The following CNTN5 variants were observed in gnomAD, a reference collection of about 807,000 sequenced individuals.
CNTN5 encodes the protein contactin 5.
CNTN5 carries 77 observed loss-of-function variants against 129.1 expected under a neutral mutation model. That is an observed-to-expected ratio of 0.60 (90% CI 0.50 to 0.72). The LOEUF is 0.72. Among genes scored for constraint, CNTN5 ranks in the 30% least tolerant of loss-of-function variants. The pLI is 0.00. For synonymous variants in CNTN5, 509 were observed against 465.6 expected, an observed-to-expected ratio of 1.09 and a Z score of -1.20; for missense variants, 1,478 against 1,328.8, an observed-to-expected ratio of 1.11 and a Z score of -1.75.
chr11:100,302,167 T>C (rs1482111624), intron 20 of CNTN5, among the ~76,000 whole-genome samples: 1 of 151,686 alleles, frequency 6.6e-6, no homozygotes, highest in Non-Finnish European at 1.5e-5. Context: ...ACATTCTTTT[T>C]TAGTCACTTC....
chr11:99,141,497 A>T (rs149710320), intron 1 of CNTN5, among the ~76,000 whole-genome samples: 134 of 151,716 alleles, frequency 8.8e-4, no homozygotes, highest in African/African-American at 3.1e-3. Flanking sequence ...ATGTTTTCTT[A>T]TTTCACCATT....
intron 3 of CNTN5, among the ~76,000 whole-genome samples, chr11:99,646,324 T>G (rs929818824): frequency 1.3e-5 from 2 of 152,368 alleles, no homozygotes; most frequent in South Asian, 2.1e-4. Flanking sequence ...GCATTCAACT[T>G]GTTTTCCCTT....
Position 99,530,985 on chromosome 11 carries a change from C to A in CNTN5, c.-70-25160C>A, listed in dbSNP as rs541275616. Among the ~76,000 whole-genome samples the A allele has an allele frequency of 1.3e-3, 194 of 152,222 alleles. 7 individuals are homozygous for A. Among genetic ancestry groups the A allele is most frequent in the Admixed American group, 0.013 (192 of 15,298 alleles). On this transcript the variant is annotated intron_variant, in intron 2 of 24. Coordinates refer to ENST00000524871, the MANE Select transcript of CNTN5 (RefSeq NM_014361.4). ...GAGTCGGGCGTTGCTGAAAAGATAC[C>A]CGAAACTGGGGAAGCAACTTTGAAA...
At chr11:99,821,149 AAATC>A (rs1418415499) in intron 4 of CNTN5, among the ~76,000 whole-genome samples, 4 of 152,028 alleles carry the variant, frequency 2.6e-5, no homozygotes, top group Non-Finnish European at 5.9e-5. Flanking sequence ...TTAAGGTAGA[AAATC>A]AAGTGATCAG....
At chr11:99,161,216 C>T (rs543884648) in intron 1 of CNTN5, among the ~76,000 whole-genome samples, 1 of 152,008 alleles carries the variant, frequency 6.6e-6, no homozygotes, top group Non-Finnish European at 1.5e-5. Flanking sequence ...TATAAAAAAT[C>T]TTGAAATATA....
intron 9 of CNTN5, among the ~76,000 whole-genome samples, chr11:100,038,218 G>A (rs747418966): frequency 0.029 from 4,360 of 152,008 alleles, 91 homozygotes; most frequent in Non-Finnish European, 0.045. Flanking sequence ...CCTTCATTTC[G>A]TTATGTACCC....
At chr11:99,324,863 G>C (rs964578885) in intron 1 of CNTN5, among the ~76,000 whole-genome samples, 1 of 152,160 alleles carries the variant, frequency 6.6e-6, no homozygotes, top group African/African-American at 2.4e-5. Context: ...GGATGGTCTC[G>C]ATCTCCTGAC....
chr11:100,108,067 A>G (rs1444399031), intron 13 of CNTN5, among the ~76,000 whole-genome samples: 1 of 151,514 alleles, frequency 6.6e-6, no homozygotes, highest in Non-Finnish European at 1.5e-5. Flanking sequence ...ATGAAAGTAG[A>G]AGACTTGTGT....
At chr11:99,313,867 T>C (rs114774967) in intron 1 of CNTN5, among the ~76,000 whole-genome samples, 3,135 of 152,152 alleles carry the variant, frequency 0.021, 111 homozygotes, top group African/African-American at 0.072. Flanking sequence ...GCTTCATCCT[T>C]AGTCGTATCG....
At chr11:99,676,520 CA>C (rs1489127550) in intron 3 of CNTN5, among the ~76,000 whole-genome samples, 1 of 152,186 alleles carries the variant, frequency 6.6e-6, no homozygotes, top group African/African-American at 2.4e-5. Flanking sequence ...TGTTCTGGCA[CA>C]TGTGAAAAGC....
In CNTN5 at chr11:99,237,401, G is replaced by A. The variant is rs141020712; in HGVS notation, c.-209-87945G>A. 6.6e-3 allele frequency among the ~76,000 whole-genome samples: 1,009 copies of A among 152,192 alleles called. 4 individuals are homozygous for A. Among genetic ancestry groups the A allele is most frequent in the Middle Eastern group, 0.02 (6 of 294 alleles). On this transcript the variant is annotated intron_variant, in intron 1 of 24. Coordinates refer to ENST00000524871, the MANE Select transcript of CNTN5 (RefSeq NM_014361.4). The stretch of plus-strand genomic sequence containing the variant: ...CTTAGTCATTTAATAAGTATTTATA[G>A]GCCAGGCATGGTGGCTCAGGCCTGT...
intron 1 of CNTN5, among the ~76,000 whole-genome samples, chr11:99,063,391 T>C (rs1591127896): frequency 6.6e-6 from 1 of 152,102 alleles, no homozygotes; most frequent in African/African-American, 2.4e-5. Flanking sequence ...ACAGTTCAAG[T>C]AACAAAATTG....
intron 1 of CNTN5, among the ~76,000 whole-genome samples, chr11:99,241,328 T>TG (rs1205739731): frequency 6.7e-6 from 1 of 149,278 alleles, no homozygotes; most frequent in Non-Finnish European, 1.5e-5. Context: ...GTTTTTTTTT[T>TG]TTTTTTTTTT....
chr11:99,566,898 T>A (rs1949023160), intron 3 of CNTN5, among the ~76,000 whole-genome samples: 1 of 152,216 alleles, frequency 6.6e-6, no homozygotes, highest in Admixed American at 6.5e-5. Context: ...AGTACTAGCA[T>A]ATATTTTTGT....
chr11:100,008,997 T>C (rs1055478349), intron 9 of CNTN5, among the ~76,000 whole-genome samples: 2 of 152,106 alleles, frequency 1.3e-5, no homozygotes, highest in African/African-American at 2.4e-5. Context: ...AATGCACAGA[T>C]AATTTTTCCA....
chr11:100,344,434 G>A (rs1334588609), intron 23 of CNTN5, among the ~76,000 whole-genome samples: 2 of 152,198 alleles, frequency 1.3e-5, no homozygotes, highest in East Asian at 1.9e-4. Flanking sequence ...CTGAAAAAGT[G>A]CACTAGAAAC....
chr11:99,914,574 T>A (rs1286123608), intron 6 of CNTN5, among the ~76,000 whole-genome samples: 1 of 152,152 alleles, frequency 6.6e-6, no homozygotes, highest in Non-Finnish European at 1.5e-5. Context: ...TTTTTACTGC[T>A]ACTGAAGTTA....
At chr11:100,299,503 C>A in intron 20 of CNTN5, 107 bp downstream of exon 20, 2 of 646,160 alleles carry the variant, frequency 3.1e-6, no homozygotes, top group Non-Finnish European at 4.8e-6. Flanking sequence ...GCAAAATAAA[C>A]TCATTCATAA....
chr11:99,541,956 CAAAAAAAAAAAAAAA>C (rs56363127), intron 2 of CNTN5, among the ~76,000 whole-genome samples: 2 of 68,876 alleles, frequency 2.9e-5, no homozygotes, highest in African/African-American at 1.2e-4. Flanking sequence ...GATCTTGTCT[CAAAAAAAAAAAAAAA>C]AAAAAAAAGA....
Sources: gnomAD v4.1 joint callset for allele counts (sites outside exome capture counted in the v4.1 genomes callset) on GRCh38, gnomAD v4.1.1 for gene constraint, MANE v1.5 for transcripts, NCBI Gene and HGNC (gene_info 2026-07-23, HGNC 2026-07-21) for gene names.